SYNPO2: variants seen among roughly 807,000 people sequenced by gnomAD.
SYNPO2 encodes synaptopodin 2.
A neutral mutation model predicts 85.0 loss-of-function variants in SYNPO2; 56 were observed. The ratio of observed to expected loss-of-function variants is 0.66; its 90% CI spans 0.53 to 0.82. The LOEUF (loss-of-function observed/expected upper bound fraction) is 0.82, where lower values mean the gene tolerates loss of function less well. Among genes scored for constraint, SYNPO2 ranks in the 40% least tolerant of loss-of-function variants. SYNPO2 has a pLI of 0.00. For synonymous variants in SYNPO2, 602 were observed against 591.1 expected (o/e 1.02, Z -0.27); for missense variants, 1,575 against 1,534.2 (o/e 1.03, Z -0.44).
chr4:118,941,101 A>G (rs1462435701), intron 1 of SYNPO2, among the ~76,000 whole-genome samples: 3 of 152,160 alleles, frequency 2.0e-5, no homozygotes, highest in Non-Finnish European at 4.4e-5. Flanking sequence ...CATGTCTAAC[A>G]GACACCTCAA....
At chr4:119,046,354 A>AG (rs1738867391) in intron 4 of SYNPO2, among the ~76,000 whole-genome samples, 1 of 152,206 alleles carries the variant, frequency 6.6e-6, no homozygotes, top group South Asian at 2.1e-4. Context: ...ATTTTGGCCC[A>AG]CTTAGACCTA....
chr4:118,932,493 T>C (rs1189395591), intron 1 of SYNPO2, among the ~76,000 whole-genome samples: 1 of 152,226 alleles, frequency 6.6e-6, no homozygotes, highest in African/African-American at 2.4e-5. Context: ...GGTTATAAAC[T>C]TAAATTACTT....
At chr4:119,027,956 T>C (rs1738042201) in intron 3 of SYNPO2, among the ~76,000 whole-genome samples, 1 of 152,218 alleles carries the variant, frequency 6.6e-6, no homozygotes, top group Non-Finnish European at 1.5e-5. Flanking sequence ...AGGACATGTG[T>C]ATACTGAGCA....
At chr4:119,040,635 A>T (rs1032943526) in intron 4 of SYNPO2, among the ~76,000 whole-genome samples, 2 of 152,256 alleles carry the variant, frequency 1.3e-5, no homozygotes, top group Non-Finnish European at 2.9e-5. Context: ...GGACTTAGTA[A>T]TATGAAGAGA....
intron 1 of SYNPO2, among the ~76,000 whole-genome samples, chr4:118,852,087 T>C (rs1731429353): frequency 6.6e-6 from 1 of 152,198 alleles, no homozygotes; most frequent in Non-Finnish European, 1.5e-5. Context: ...CACACATTTG[T>C]CACTTAGAAA....
At chr4:118,986,942 G>A (rs1388403567) in intron 1 of SYNPO2, among the ~76,000 whole-genome samples, 1 of 152,156 alleles carries the variant, frequency 6.6e-6, no homozygotes, top group Non-Finnish European at 1.5e-5. Context: ...GAAAATTCTA[G>A]TGGATCACCA....
At chr4:119,034,075 A>G (rs1738395610) in intron 4 of SYNPO2, 1 of 985,286 alleles carries the variant, frequency 1.0e-6, no homozygotes, top group South Asian at 4.7e-5. Context: ...AGGATAAAGG[A>G]AAAAAGCAAT....
intron 1 of SYNPO2, among the ~76,000 whole-genome samples, chr4:118,975,109 G>A (rs187054536): frequency 3.3e-5 from 5 of 152,200 alleles, no homozygotes; most frequent in East Asian, 1.9e-4. Flanking sequence ...TTGCACCCAC[G>A]TGAGGCCACC....
intron 1 of SYNPO2, among the ~76,000 whole-genome samples, chr4:118,883,713 CT>C (rs57844329): frequency 6.0e-5 from 9 of 149,122 alleles, no homozygotes; most frequent in African/African-American, 1.5e-4. Flanking sequence ...TTCTCTTTTT[CT>C]TTTTTTTTTC....
intron 1 of SYNPO2, among the ~76,000 whole-genome samples, chr4:119,013,878 T>G (rs192266342): frequency 6.6e-6 from 1 of 152,210 alleles, no homozygotes; most frequent in South Asian, 2.1e-4. Context: ...TAACAGAGTA[T>G]GAAAAATTTA....
At chr4:119,007,070 T>A (rs1737057106) in intron 1 of SYNPO2, among the ~76,000 whole-genome samples, 1 of 150,564 alleles carries the variant, frequency 6.6e-6, no homozygotes, top group African/African-American at 2.4e-5. Flanking sequence ...TAGAAAGACA[T>A]GATCTCTAAC....
intron 1 of SYNPO2, among the ~76,000 whole-genome samples, chr4:118,921,779 G>GCA (rs149219584): frequency 0.37 from 54,347 of 148,298 alleles, 9,696 homozygotes; most frequent in Middle Eastern, 0.42. Context: ...CTTTTCATAT[G>GCA]CACACACACA....
chr4:118,886,501 T>C (rs1732202638), upstream of SYNPO2, among the ~76,000 whole-genome samples: 1 of 152,234 alleles, frequency 6.6e-6, no homozygotes, highest in South Asian at 2.1e-4. Context: ...GAACATGTGG[T>C]GTTTGGTTTA....
intron 1 of SYNPO2, among the ~76,000 whole-genome samples, chr4:118,992,220 A>G (rs1175169681): frequency 2.0e-5 from 3 of 152,170 alleles, no homozygotes; most frequent in Admixed American, 6.5e-5. Context: ...GGGTGGATGC[A>G]TGATTTGATT....
upstream of SYNPO2, among the ~76,000 whole-genome samples, chr4:118,887,199 G>GTA (rs1732215702): frequency 6.6e-6 from 1 of 150,864 alleles, no homozygotes; most frequent in East Asian, 1.9e-4. Context: ...GTGTGTGTGT[G>GTA]TGTGCACCCT....
chr4:119,021,878 T>C (rs111332763), intron 1 of SYNPO2, among the ~76,000 whole-genome samples: 2,709 of 152,292 alleles, frequency 0.018, 73 homozygotes, highest in African/African-American at 0.061. Context: ...TGCTAAGCCA[T>C]GGCCCAGCAG....
rs1732022859 is a variant in SYNPO2, at chr4:118,879,419, A to G, written c.12+28479A>G. Reference sequence around the variant, plus strand: ...TTTGGAAGTGGGGCTGTGCGAAGGTAATTAGCTCATGAGGATAGAGCCCTT... The same window carrying G: ...TTTGGAAGTGGGGCTGTGCGAAGGTGATTAGCTCATGAGGATAGAGCCCTT... On this transcript the variant is annotated intron_variant, in intron 1 of 4. Coordinates refer to the SYNPO2 transcript ENST00000610556. 3.3e-5 allele frequency among the ~76,000 whole-genome samples: 5 copies of G among 152,162 alleles called. No homozygotes were observed. The South Asian group carries it at 1.0e-3, about 32-fold the overall frequency.
chr4:118,852,759 C>T (rs1731441990), intron 1 of SYNPO2, among the ~76,000 whole-genome samples: 1 of 152,158 alleles, frequency 6.6e-6, no homozygotes, highest in African/African-American at 2.4e-5. Context: ...GGAAAAATAA[C>T]TAATGGGTAC....
chr4:118,890,733 C>CTCTCTCTCTCTCTCTG (rs749295331), intron 1 of SYNPO2, among the ~76,000 whole-genome samples: 304 of 126,174 alleles, frequency 2.4e-3, no homozygotes, highest in South Asian at 3.1e-3. Flanking sequence ...CTCTCTCTCT[C>CTCTCTCTCTCTCTCTG]TGTGTGTGTG....
Sources: gnomAD v4.1 joint callset for allele counts (sites outside exome capture counted in the v4.1 genomes callset) on GRCh38, gnomAD v4.1.1 for gene constraint, MANE v1.5 for transcripts, NCBI Gene and HGNC (gene_info 2026-07-23, HGNC 2026-07-21) for gene names.